CYFIP1: variants seen among roughly 807,000 people sequenced by gnomAD.
CYFIP1 encodes cytoplasmic FMR1-interacting protein 1.
A neutral mutation model predicts 163.5 loss-of-function variants in CYFIP1; 58 were observed. That is an observed-to-expected ratio of 0.35 (90% confidence interval 0.29 to 0.44). The LOEUF (loss-of-function observed/expected upper bound fraction) is 0.44, where lower values mean the gene tolerates loss of function less well. Ranked by LOEUF, CYFIP1 falls within the 20% of genes least tolerant of loss-of-function variation. CYFIP1 has a pLI of 1.00. For missense variants in CYFIP1, 1,338 were observed against 1,653.8 expected (o/e 0.81, Z 3.31); for synonymous variants, 663 against 660.7 (o/e 1.00, Z -0.05).
rs1468006183 is a variant in CYFIP1, at chr15:22,966,101, C to T, written c.-7+14186G>A. On this transcript the variant is annotated intron_variant, in intron 1 of 30. Transcript: ENST00000617928. ...CAGTGGATCACACCTGTAATCCCAA[C>T]ACTTTGGGAGGCCGAGGCGGGTGGA... Among the ~76,000 whole-genome samples the T allele has an allele frequency of 2.0e-5, 3 of 151,948 alleles. No homozygotes were observed. In the South Asian group the frequency reaches 6.2e-4, roughly 32 times the overall value.
intron 6 of CYFIP1, among the ~76,000 whole-genome samples, chr15:22,941,222 GT>G (rs1281183905): frequency 3.4e-5 from 5 of 147,288 alleles, no homozygotes; most frequent in African/African-American, 1.3e-4. Context: ...CACCCAGCTA[GT>G]TTTTTTTGCT....
chr15:22,944,481 G>A, intron 5 of CYFIP1, 77 bp downstream of exon 5: 1 of 947,846 alleles, frequency 1.1e-6, no homozygotes, highest in Non-Finnish European at 1.7e-6. Context: ...GGTGTTCACA[G>A]TGACAGTGAT....
chr15:22,975,552 G>A (rs1238567133), intron 1 of CYFIP1, among the ~76,000 whole-genome samples: 1 of 151,822 alleles, frequency 6.6e-6, no homozygotes, highest in Non-Finnish European at 1.5e-5. Flanking sequence ...CCTGAGGTCA[G>A]GAGGTCGAGA....
intron 20 of CYFIP1, 107 bp from the exon 21 acceptor site, chr15:22,909,420 A>T: frequency 7.2e-7 from 1 of 1,388,208 alleles, no homozygotes; most frequent in Non-Finnish European, 1.0e-6. Context: ...CAATAACGAC[A>T]CCCTTTACAA....
chr15:22,958,379 C>T (rs1006273220), intron 1 of CYFIP1, among the ~76,000 whole-genome samples: 9 of 152,294 alleles, frequency 5.9e-5, no homozygotes, highest in African/African-American at 1.9e-4. Context: ...AGGTAATCTG[C>T]TTTCTTTAAT....
intron 1 of CYFIP1, among the ~76,000 whole-genome samples, chr15:22,954,168 C>CA (rs1443356529): frequency 6.6e-6 from 1 of 152,186 alleles, no homozygotes; most frequent in East Asian, 1.9e-4. Context: ...CAGAGCAGGG[C>CA]AATGCGTGAC....
In CYFIP1 at chr15:22,917,865, A is replaced by C. The variant is rs778092435; in HGVS notation, c.1597T>G (p.Leu533Val). The C allele has an allele frequency of 6.2e-7, 1 of 1,613,948 alleles. No individual in the cohort carries two copies. The highest frequency in any genetic ancestry group is 1.7e-5 in the Admixed American group (1 of 59,990). Residue 533 changes from leucine (L) to valine (V), a missense_variant, in exon 15 of 31, where the codon TTG (leucine) becomes GTG (valine). Around this residue, in one of 4 missense-constraint regions of CYFIP1, gnomAD observed 824 missense variants for 995.7 expected, o/e 0.83. Coordinates refer to ENST00000617928, the MANE Select transcript of CYFIP1 (RefSeq NM_014608.6). This position sits in a 1 kb window ranked among gnomAD's most constrained non-coding sequence, Gnocchi z 4.2. ...CTCTTGGGGTCCTTCTCGCCCCGCA[A>C]GGCTGGGTCATTGAAGGGCTCATGC... ...TGHEPFNDPA[L>V]RGEKDPKSGF...
Position 22,903,751 on chromosome 15 carries a change from T to C in CYFIP1, c.2543A>G (p.Asn848Ser). ...GCAGTAGTTGGGCAGGAAGTCATAG[T>C]TGAGCTCCCAGAAGACGTGCAGGGT... is the stretch of plus-strand genomic sequence containing the variant. ...RITLHVFWEL[N>S]YDFLPNYCYN... The change falls in exon 22 of 31, where the codon AAC becomes AGC. Residue 848 changes from asparagine (N) to serine (S), a missense_variant. By Grantham distance (46) the Asn-to-Ser change is conservative (BLOSUM62 1). Around this residue, in one of 4 missense-constraint regions of CYFIP1, gnomAD observed 824 missense variants for 995.7 expected, o/e 0.83. Coordinates refer to ENST00000617928, the MANE Select transcript of CYFIP1 (RefSeq NM_014608.6). 2 of 1,614,120 alleles carry C rather than the reference T, an allele frequency of 1.2e-6. No individual in the cohort carries two copies. The highest frequency in any genetic ancestry group is 1.7e-6 in the Non-Finnish European group (2 of 1,180,030).
intron 1 of CYFIP1, among the ~76,000 whole-genome samples, chr15:22,962,167 GGTA>G (rs1447308068): frequency 6.6e-6 from 1 of 152,118 alleles, no homozygotes; most frequent in Non-Finnish European, 1.5e-5. Context: ...CAAACTGATT[GGTA>G]GTAGGATTTT....
intron 1 of CYFIP1, among the ~76,000 whole-genome samples, chr15:22,949,228 CG>C (rs1595685478): frequency 6.6e-6 from 1 of 151,414 alleles, no homozygotes. Context: ...GGATTCCCCC[CG>C]GGGACCAGGC....
At chr15:22,923,644 G>A (rs897861733) in intron 13 of CYFIP1, among the ~76,000 whole-genome samples, 18 of 151,986 alleles carry the variant, frequency 1.2e-4, no homozygotes, top group Admixed American at 9.8e-4. Flanking sequence ...ACAAAAACCC[G>A]CACATGAAAG....
At chr15:22,889,619 G>A (rs904511673) in intron 23 of CYFIP1, among the ~76,000 whole-genome samples, 1 of 152,118 alleles carries the variant, frequency 6.6e-6, no homozygotes, top group African/African-American at 2.4e-5. Flanking sequence ...CACGCAGTCG[G>A]GTCGCCTGCC....
At chr15:22,894,002 A>G (rs2060153112) in intron 22 of CYFIP1, among the ~76,000 whole-genome samples, 1 of 152,130 alleles carries the variant, frequency 6.6e-6, no homozygotes, top group African/African-American at 2.4e-5. Context: ...GGTCAGGGTG[A>G]TGCTCAGAAA....
Position 22,867,687 on chromosome 15 carries a change from A to AAAG in CYFIP1, c.*2340_*2341insCTT, listed in dbSNP as rs35420735. On this transcript the variant is annotated 3_prime_UTR_variant, in exon 31 of 31. Coordinates refer to ENST00000617928, the MANE Select transcript of CYFIP1 (RefSeq NM_014608.6). ...ATAGAAGACTAGGGTTGTTTCTTAAATTTAGCTCATGTTATAATAAAAAGT... is the reference window on the plus strand; with the variant it reads ...ATAGAAGACTAGGGTTGTTTCTTAAAAAGTTTAGCTCATGTTATAATAAAAAGT... 1 of 152,468 alleles carries AAAG rather than the reference A, an allele frequency of 6.6e-6. No homozygotes were observed. The highest frequency in any genetic ancestry group is 6.5e-5 in the Admixed American group (1 of 15,268). The allele number at this position is 152,468 out of a possible 1,614,324, so 9.4% of individuals were successfully genotyped here. A position where few individuals can be genotyped will look rare whatever the true frequency, so the allele number is the denominator to read the frequency against.
intron 5 of CYFIP1, among the ~76,000 whole-genome samples, chr15:22,943,793 C>T (rs2061968936): frequency 6.6e-6 from 1 of 152,170 alleles, no homozygotes; most frequent in Non-Finnish European, 1.5e-5. Flanking sequence ...CATAAAAAAT[C>T]TGGATGTTTC....
At chr15:22,891,196 G>A (rs944064232) in intron 23 of CYFIP1, among the ~76,000 whole-genome samples, 2 of 152,064 alleles carry the variant, frequency 1.3e-5, no homozygotes, top group East Asian at 1.9e-4. Flanking sequence ...AGGCCGATGC[G>A]GGCAGATCAC....
At chr15:22,911,037 G>T (rs1020736895) in intron 18 of CYFIP1, among the ~76,000 whole-genome samples, 2 of 152,046 alleles carry the variant, frequency 1.3e-5, no homozygotes, top group Non-Finnish European at 2.9e-5. Flanking sequence ...GAGTAGCTGG[G>T]ATTATAGGTG....
intron 18 of CYFIP1, among the ~76,000 whole-genome samples, chr15:22,911,384 G>A (rs186464364): frequency 2.8e-4 from 42 of 152,240 alleles, no homozygotes; most frequent in Admixed American, 1.2e-3. Flanking sequence ...CAGTGACCAC[G>A]AGGAGCTACT....
chr15:22,902,520 T>C (rs747932380), intron 22 of CYFIP1, among the ~76,000 whole-genome samples: 2 of 152,256 alleles, frequency 1.3e-5, no homozygotes, highest in African/African-American at 2.4e-5. Flanking sequence ...TTTCTATAAT[T>C]TTGATATATT....
Sources: allele counts gnomAD v4.1 joint callset (sites outside exome capture counted in the v4.1 genomes callset), GRCh38; gene constraint gnomAD v4.1.1; regional missense constraint gnomAD v4.1.1; non-coding constraint Gnocchi (gnomAD v3.1); transcripts MANE v1.5; gene names NCBI Gene and HGNC (gene_info 2026-07-23, HGNC 2026-07-21).